SLC25A30: variants seen among roughly 807,000 people sequenced by gnomAD.
The protein encoded by SLC25A30 is solute carrier family 25 member 30.
Under a neutral mutation model 42.7 loss-of-function variants are expected in SLC25A30, and 29 were observed. The ratio of observed to expected loss-of-function variants is 0.68; its 90% confidence interval spans 0.51 to 0.93. SLC25A30 has a LOEUF of 0.93. Among genes scored for constraint, SLC25A30 ranks in the 40% least tolerant of loss-of-function variants. SLC25A30 has a pLI of 0.00. For missense variants in SLC25A30, 300 were observed against 359.7 expected (o/e 0.83, Z 1.34); for synonymous variants, 124 against 131.0 (o/e 0.95, Z 0.37).
At chr13:45,399,196 GTGTTTTGTTT>G (rs374329089) in intron 7 of SLC25A30, 118 bp from the exon 8 acceptor site, 26 of 1,144,424 alleles carry the variant, frequency 2.3e-5, no homozygotes, top group South Asian at 1.2e-4. Context: ...TGTGGTTTTC[GTGTTTTGTTT>G]TGTTTTGTTT....
At position 45,409,037 on chromosome 13, in the gene SLC25A30, C is replaced by T. The variant is rs778938365; in HGVS notation, c.102G>A (p.Gln34=). ...FPIDLTKTRL[Q]IQGQTNDAKF... is the part of the protein sequence containing the mutation. The stretch of plus-strand genomic sequence containing the variant: ...TTGCATCATTCGTCTGGCCTTGAAT[C>T]TGGAGCCGTGTCTTGGTTAAATCAA... Residue 34 remains glutamine (Q), a synonymous_variant, in exon 3 of 10, where the codon CAG becomes CAA. Coordinates refer to ENST00000519676, the MANE Select transcript of SLC25A30 (RefSeq NM_001010875.4). 1.4e-5 allele frequency: 23 copies of T among 1,612,634 alleles called. No individual in the cohort carries two copies. Among genetic ancestry groups the T allele is most frequent in the Non-Finnish European group, 1.9e-5 (22 of 1,179,490 alleles).
At chr13:45,413,079 G>A (rs1314636268) in intron 1 of SLC25A30, among the ~76,000 whole-genome samples, 2 of 152,062 alleles carry the variant, frequency 1.3e-5, no homozygotes, top group Non-Finnish European at 2.9e-5. Context: ...ACCCCCCATC[G>A]GGCACCTTGA....
At chr13:45,396,348 T>A in intron 9 of SLC25A30, 2 of 918,174 alleles carry the variant, frequency 2.2e-6, no homozygotes, top group Non-Finnish European at 2.8e-6. Flanking sequence ...GAGAGAGAGT[T>A]AGCAAGCCCT....
At chr13:45,409,230 T>C (rs1329384240) in intron 2 of SLC25A30, among the ~76,000 whole-genome samples, 156 bp from the exon 3 acceptor site, 1 of 152,222 alleles carries the variant, frequency 6.6e-6, no homozygotes, top group Non-Finnish European at 1.5e-5. Flanking sequence ...TTTTTAAAAA[T>C]TGAGGAATCA....
intron 3 of SLC25A30, among the ~76,000 whole-genome samples, chr13:45,406,987 C>T (rs1882570808): frequency 6.6e-6 from 1 of 152,226 alleles, no homozygotes; most frequent in Non-Finnish European, 1.5e-5. Flanking sequence ...GCTGGCCAGG[C>T]ACGGTGGCTC....
the SLC25A30 span, among the ~76,000 whole-genome samples, chr13:45,424,513 A>G: frequency 3.3e-5 from 2 of 60,646 alleles, 1 homozygote; most frequent in Non-Finnish European, 6.1e-5. Flanking sequence ...AAAAATATAT[A>G]TAAATATATA....
At chr13:45,408,845 T>G in intron 3 of SLC25A30, 82 bp downstream of exon 3, 13 of 1,257,290 alleles carry the variant, frequency 1.0e-5, no homozygotes, top group Middle Eastern at 2.0e-4. Flanking sequence ...TTTTTACTTG[T>G]GATCTGTGCA....
At chr13:45,400,899 T>C (rs961091635) in intron 7 of SLC25A30, among the ~76,000 whole-genome samples, 184 bp downstream of exon 7, 2 of 152,202 alleles carry the variant, frequency 1.3e-5, no homozygotes, top group Non-Finnish European at 2.9e-5. Flanking sequence ...TGCATACACG[T>C]AGAAAACGCC....
At chr13:45,425,035 A>AATATATAAAT in the SLC25A30 span, among the ~76,000 whole-genome samples, 1 of 1,216 alleles carries the variant, frequency 8.2e-4, no homozygotes, top group Non-Finnish European at 1.5e-3. Context: ...TAAATATATA[A>AATATATAAAT]GTATATATAA....
upstream of SLC25A30, among the ~76,000 whole-genome samples, chr13:45,420,835 G>A (rs894559601): frequency 1.3e-5 from 2 of 152,040 alleles, no homozygotes; most frequent in Non-Finnish European, 2.9e-5. Context: ...CAAAGTGCTG[G>A]GAGTACAGGC....
intron 6 of SLC25A30, among the ~76,000 whole-genome samples, chr13:45,401,937 G>A (rs148065765): frequency 0.028 from 4,226 of 151,954 alleles, 202 homozygotes; most frequent in African/African-American, 0.095. Context: ...GCGCACGCCT[G>A]TAATCCCAGT....
At chr13:45,424,769 T>A in the SLC25A30 span, among the ~76,000 whole-genome samples, 3 of 49,084 alleles carry the variant, frequency 6.1e-5, no homozygotes, top group African/African-American at 3.0e-4. Flanking sequence ...AATATATAAA[T>A]ATATATATAT....
At chr13:45,428,714 G>T in the SLC25A30 span, among the ~76,000 whole-genome samples, 80 of 150,638 alleles carry the variant, frequency 5.3e-4, no homozygotes, top group African/African-American at 1.8e-3. Flanking sequence ...GTAGAGACAG[G>T]GTTTCACCAT....
chr13:45,417,197 G>T (rs537359249), intron 1 of SLC25A30, among the ~76,000 whole-genome samples: 113 of 152,144 alleles, frequency 7.4e-4, no homozygotes, highest in Non-Finnish European at 1.2e-3. Context: ...TTTTAGTAGA[G>T]ACGGAGTTTC....
chr13:45,425,161 T>TATATAA, the SLC25A30 span, among the ~76,000 whole-genome samples: 12 of 90,634 alleles, frequency 1.3e-4, no homozygotes, highest in African/African-American at 4.3e-4. Flanking sequence ...TATTGATAAA[T>TATATAA]ATATATAAGT....
the SLC25A30 span, among the ~76,000 whole-genome samples, chr13:45,426,498 A>G: frequency 6.6e-6 from 1 of 152,194 alleles, no homozygotes; most frequent in Non-Finnish European, 1.5e-5. Flanking sequence ...GTAGTTCTTT[A>G]CAAAAAATGT....
intron 9 of SLC25A30, chr13:45,396,275 T>G: frequency 1.5e-6 from 2 of 1,337,534 alleles, no homozygotes; most frequent in African/African-American, 2.9e-5. Context: ...GCTGATAAGC[T>G]TTTGTGGCTT....
the SLC25A30 span, among the ~76,000 whole-genome samples, chr13:45,424,654 T>TATATAG: frequency 1.0e-4 from 7 of 67,754 alleles, 1 homozygote; most frequent in African/African-American, 3.4e-4. Context: ...TAAATATATA[T>TATATAG]AAATATATAG....
rs1881247348 is a variant in SLC25A30 at position 45,395,614 on chromosome 13, T to TC, written c.*359dup. 1 of 1,148,630 alleles carries TC rather than the reference T, an allele frequency of 8.7e-7. No individual in the cohort carries two copies. The highest frequency in any genetic ancestry group is 1.6e-5 in the African/African-American group (1 of 61,114). 71.2% of individuals were successfully genotyped at this position (1,148,630 alleles called of 1,614,324 possible). A position where few individuals can be genotyped will look rare whatever the true frequency, so the allele number is the denominator to read the frequency against. ...GTGAGCTTTTCTAGAGCAGTCTGATTCTCAGTCATGAGCTGAGATGCATCA... is the reference window on the plus strand; with the variant it reads ...GTGAGCTTTTCTAGAGCAGTCTGATTCCTCAGTCATGAGCTGAGATGCATCA... On this transcript the variant is annotated 3_prime_UTR_variant, in exon 10 of 10. Coordinates refer to ENST00000519676, the MANE Select transcript of SLC25A30 (RefSeq NM_001010875.4).
Sources: allele counts gnomAD v4.1 joint callset (sites outside exome capture counted in the v4.1 genomes callset), GRCh38; gene constraint gnomAD v4.1.1; transcripts MANE v1.5; gene names NCBI Gene and HGNC (gene_info 2026-07-23, HGNC 2026-07-21).